Variants in DDX1 observed in about 807,000 individuals in gnomAD.
DDX1 encodes the protein ATP-dependent RNA helicase DDX1.
Under a neutral mutation model 108.7 loss-of-function variants are expected in DDX1, and 28 were observed. The observed-to-expected ratio is 0.26, with a 90% CI of 0.19 to 0.35. The LOEUF (loss-of-function observed/expected upper bound fraction) is 0.35, where lower values mean the gene tolerates loss of function less well. Ranked by LOEUF, DDX1 falls within the 10% of genes least tolerant of loss-of-function variation. The pLI is 1.00. For missense variants in DDX1, 710 were observed against 884.5 expected, an observed-to-expected ratio of 0.80 and a Z score of 2.50; for synonymous variants, 295 against 288.9, an observed-to-expected ratio of 1.02 and a Z score of -0.21.
At chr2:15,604,393 G>T (rs942321850) in intron 9 of DDX1, 44 bp from the exon 10 acceptor site, 2 of 1,261,638 alleles carry the variant, frequency 1.6e-6, no homozygotes, top group Admixed American at 3.7e-5. Context: ...CTTTATTTAA[G>T]AATTTACTTT....
At chr2:15,592,010 C>T (rs376354826) in intron 1 of DDX1, 61 bp downstream of exon 1, 5 of 1,336,502 alleles carry the variant, frequency 3.7e-6, no homozygotes, top group Non-Finnish European at 4.9e-6. Flanking sequence ...AGCCCTGGGG[C>T]CGCCCGCGGA....
At chr2:15,621,920 C>T (rs1329883179) in intron 18 of DDX1, among the ~76,000 whole-genome samples, 3 of 152,220 alleles carry the variant, frequency 2.0e-5, no homozygotes, top group African/African-American at 7.2e-5. Flanking sequence ...TCACAAAGTG[C>T]TGGGATTATA....
chr2:15,623,954 G>C (rs4668945), intron 19 of DDX1, among the ~76,000 whole-genome samples: 36,000 of 151,868 alleles, frequency 0.24, 5,222 homozygotes, highest in African/African-American at 0.41. Context: ...ACCTAAACAA[G>C]AGCAAGAAAG....
intron 16 of DDX1, among the ~76,000 whole-genome samples, chr2:15,619,936 G>T (rs1170040581): frequency 6.6e-6 from 1 of 152,164 alleles, no homozygotes; most frequent in Non-Finnish European, 1.5e-5. Flanking sequence ...AGTAATACAG[G>T]ATTTTTGGCT....
At position 15,623,567 on chromosome 2, in the gene DDX1, A is replaced by G; in HGVS notation, c.1579A>G (p.Ile527Val). Reference sequence around the variant, plus strand: ...CTGTGATAACTTGGAGCAGTACTTTATACAACAAGGAGGAGGTAATTTTTT... The same window carrying G: ...CTGTGATAACTTGGAGCAGTACTTTGTACAACAAGGAGGAGGTAATTTTTT... ...IDCDNLEQYF[I>V]QQGGGPDKKG... Residue 527 changes from isoleucine (I) to valine (V), a missense_variant, in exon 19 of 26, where the codon ATA becomes GTA. Transcript: ENST00000233084. The G allele has an allele frequency of 6.2e-7, 1 of 1,613,404 alleles. No homozygotes were observed. The highest frequency in any genetic ancestry group is 8.5e-7 in the Non-Finnish European group (1 of 1,179,522).
At chr2:15,628,575 T>G in intron 21 of DDX1, 58 bp downstream of exon 21, 5 of 1,596,190 alleles carry the variant, frequency 3.1e-6, no homozygotes, top group Non-Finnish European at 4.3e-6. Flanking sequence ...AAGTAAAGCC[T>G]TCTAATATGT....
intron 13 of DDX1, among the ~76,000 whole-genome samples, chr2:15,611,683 CG>C (rs1665764395): frequency 2.8e-5 from 3 of 106,950 alleles, no homozygotes; most frequent in African/African-American, 5.6e-5. Context: ...GCTGGCCGGG[CG>C]GGGGGCTGAC....
At chr2:15,612,817 C>T (rs1322948057) in intron 13 of DDX1, among the ~76,000 whole-genome samples, 1 of 152,174 alleles carries the variant, frequency 6.6e-6, no homozygotes, top group Non-Finnish European at 1.5e-5. Flanking sequence ...CCAGCCCGGC[C>T]AACACAGCGA....
chr2:15,591,892 G>A lies in DDX1; in HGVS notation c.-42G>A. On this transcript the variant is annotated 5_prime_UTR_variant, in exon 1 of 26. Coordinates refer to ENST00000233084, the MANE Select transcript of DDX1 (RefSeq NM_004939.3). ...CACTGCCACGCCGTGTCAGTCGGGA[G>A]GGAGGGAGCGAGCAGGCGAAGCCGC... is the stretch of plus-strand genomic sequence containing the variant. 1 of 1,468,440 alleles carries A rather than the reference G, an allele frequency of 6.8e-7. No homozygotes were observed. Among genetic ancestry groups the A allele is most frequent in the Non-Finnish European group, 9.0e-7 (1 of 1,109,454 alleles). The allele number at this position is 1,468,440 out of a possible 1,614,324, so 91.0% of individuals were successfully genotyped here.
intron 16 of DDX1, 60 bp downstream of exon 16, chr2:15,618,330 C>T (rs1423679370): frequency 1.5e-5 from 13 of 879,356 alleles, no homozygotes; most frequent in Admixed American, 3.7e-5. Flanking sequence ...TATAATGTTA[C>T]GGGATCCCAG....
chr2:15,629,567 C>A, intron 23 of DDX1, 35 bp from the exon 24 acceptor site: 1 of 1,437,190 alleles, frequency 7.0e-7, no homozygotes, highest in Non-Finnish European at 9.6e-7. Context: ...TCTCTATCTC[C>A]ATGCATGTTA....
chr2:15,591,912 A>C lies in DDX1; in HGVS notation c.-22A>C. On this transcript the variant is annotated 5_prime_UTR_variant, in exon 1 of 26. Coordinates refer to ENST00000233084, the MANE Select transcript of DDX1 (RefSeq NM_004939.3). ...CGGGAGGGAGGGAGCGAGCAGGCGA[A>C]GCCGCGGAGGACGGGGTGAAGATGG... is the stretch of plus-strand genomic sequence containing the variant. The C allele has an allele frequency of 6.8e-7, 1 of 1,462,414 alleles. No homozygotes were observed. Among genetic ancestry groups the C allele is most frequent in the Non-Finnish European group, 9.0e-7 (1 of 1,106,714 alleles). The allele number at this position is 1,462,414 out of a possible 1,614,324, so 90.6% of individuals were successfully genotyped here.
At chr2:15,620,505 A>G (rs1665985399) in intron 17 of DDX1, 109 bp downstream of exon 17, 2 of 787,380 alleles carry the variant, frequency 2.5e-6, no homozygotes, top group Non-Finnish European at 4.0e-6. Flanking sequence ...TATCAAAGAA[A>G]AGTCCAATAC....
chr2:15,625,741 C>T (rs1666092552), intron 19 of DDX1, among the ~76,000 whole-genome samples: 1 of 151,950 alleles, frequency 6.6e-6, no homozygotes, highest in South Asian at 2.1e-4. Context: ...ACATACAAAT[C>T]CCATTATTGT....
intron 7 of DDX1, among the ~76,000 whole-genome samples, chr2:15,602,893 T>A (rs1199679403): frequency 2.0e-5 from 3 of 152,130 alleles, no homozygotes; most frequent in African/African-American, 7.2e-5. Flanking sequence ...TTTGTACTTT[T>A]AGTAGAGATG....
chr2:15,600,435 A>G (rs1287935732), intron 6 of DDX1, among the ~76,000 whole-genome samples: 1 of 152,226 alleles, frequency 6.6e-6, no homozygotes, highest in African/African-American at 2.4e-5. Flanking sequence ...GAAGCTTATG[A>G]TACTGATCTA....
intron 19 of DDX1, among the ~76,000 whole-genome samples, chr2:15,625,054 G>A (rs192032900): frequency 2.0e-5 from 3 of 152,232 alleles, no homozygotes; most frequent in Admixed American, 1.3e-4. Context: ...AACACACTAA[G>A]TGTCCATCAG....
At chr2:15,604,785 A>T (rs1332435739) in intron 10 of DDX1, among the ~76,000 whole-genome samples, 6 of 152,208 alleles carry the variant, frequency 3.9e-5, no homozygotes, top group Admixed American at 6.5e-5. Context: ...GAAGGAGGGT[A>T]TAAAGCAGGG....
At chr2:15,603,662 G>A (rs1230767305) in intron 8 of DDX1, 152 bp from the exon 9 acceptor site, 14 of 616,944 alleles carry the variant, frequency 2.3e-5, no homozygotes, top group Non-Finnish European at 3.7e-5. Context: ...CCTAAGCACT[G>A]TTTAGTTTTT....
Sources: allele counts gnomAD v4.1 joint callset (sites outside exome capture counted in the v4.1 genomes callset), GRCh38; gene constraint gnomAD v4.1.1; transcripts MANE v1.5; gene names NCBI Gene and HGNC (gene_info 2026-07-23, HGNC 2026-07-21).